The following CCDC3 variants were observed in gnomAD, a reference collection of about 807,000 sequenced individuals.
The protein encoded by CCDC3 is coiled-coil domain-containing protein 3.
CCDC3 carries 24 observed loss-of-function variants against 21.4 expected under a neutral mutation model. That is an observed-to-expected ratio of 1.12 (90% CI 0.81 to 1.58). The LOEUF (loss-of-function observed/expected upper bound fraction) is 1.58, where lower values mean the gene tolerates loss of function less well. Among genes scored for constraint, CCDC3 ranks in the 40% most tolerant of loss-of-function variants. CCDC3 has a pLI of 0.00. For missense variants in CCDC3, 425 were observed against 360.9 expected, an observed-to-expected ratio of 1.18 and a Z score of -1.44; for synonymous variants, 186 against 166.0, an observed-to-expected ratio of 1.12 and a Z score of -0.93.
chr10:12,914,442 T>A (rs1357156253), intron 2 of CCDC3, among the ~76,000 whole-genome samples: 1 of 152,070 alleles, frequency 6.6e-6, no homozygotes, highest in Non-Finnish European at 1.5e-5. Context: ...CATTTCTGAT[T>A]TTATCTTTTG....
At chr10:12,939,818 TAACAAC>T (rs562088916) in intron 2 of CCDC3, among the ~76,000 whole-genome samples, 1 of 152,156 alleles carries the variant, frequency 6.6e-6, no homozygotes, top group East Asian at 1.9e-4. Flanking sequence ...AGAGTCAGAG[TAACAAC>T]AACAACGACA....
intron 2 of CCDC3, among the ~76,000 whole-genome samples, chr10:12,922,317 C>G (rs1333256372): frequency 6.6e-6 from 1 of 151,920 alleles, no homozygotes; most frequent in Non-Finnish European, 1.5e-5. Context: ...GTGGGAGCTC[C>G]CATCTGTGCC....
intron 5 of CCDC3, among the ~76,000 whole-genome samples, chr10:13,031,365 T>C (rs1158086809): frequency 1.3e-5 from 2 of 152,150 alleles, no homozygotes; most frequent in South Asian, 2.1e-4. Context: ...GGGAAATTTA[T>C]TGCACTAAAT....
intron 2 of CCDC3, among the ~76,000 whole-genome samples, chr10:12,931,184 C>A (rs1490308961): frequency 2.3e-5 from 3 of 128,678 alleles, no homozygotes; most frequent in African/African-American, 9.2e-5. Context: ...GCACTCCAGC[C>A]TGGGCCACAG....
At chr10:12,971,437 G>A (rs2131264853) in intron 2 of CCDC3, among the ~76,000 whole-genome samples, 1 of 152,294 alleles carries the variant, frequency 6.6e-6, no homozygotes, top group East Asian at 1.9e-4. Flanking sequence ...CACCGCAGAT[G>A]GAGATGCAGA....
At chr10:12,996,211 AG>A (rs201777110) in intron 2 of CCDC3, among the ~76,000 whole-genome samples, 3,062 of 152,316 alleles carry the variant, frequency 0.02, 52 homozygotes, top group Middle Eastern at 0.051. Context: ...GAATAAAAAC[AG>A]GTGCTTAGAA....
intron 2 of CCDC3, among the ~76,000 whole-genome samples, chr10:12,953,597 G>C (rs1481194939): frequency 6.6e-6 from 1 of 152,174 alleles, no homozygotes; most frequent in African/African-American, 2.4e-5. Context: ...TTTAAACATG[G>C]GCAGAGTTTT....
chr10:13,019,465 G>T (rs1209250398), intron 5 of CCDC3, among the ~76,000 whole-genome samples: 1 of 151,868 alleles, frequency 6.6e-6, no homozygotes, highest in African/African-American at 2.4e-5. Context: ...TTTTTCACGT[G>T]CACACAGCAT....
At chr10:12,960,729 G>A (rs1173987860) in intron 2 of CCDC3, among the ~76,000 whole-genome samples, 1 of 152,192 alleles carries the variant, frequency 6.6e-6, no homozygotes, top group Admixed American at 6.5e-5. Context: ...TAGAGCCAAA[G>A]GTTGGGACAA....
intron 3 of CCDC3, among the ~76,000 whole-genome samples, chr10:13,090,617 T>C (rs911517090): frequency 1.3e-5 from 2 of 152,108 alleles, no homozygotes; most frequent in African/African-American, 4.8e-5. Context: ...TCAGAACTAA[T>C]CTCCTTCCCC....
At chr10:12,910,252 G>C (rs1318731868) in intron 2 of CCDC3, among the ~76,000 whole-genome samples, 1 of 152,180 alleles carries the variant, frequency 6.6e-6, no homozygotes, top group Non-Finnish European at 1.5e-5. Context: ...GCAAGACCTT[G>C]CTTCAAATGT....
intron 5 of CCDC3, among the ~76,000 whole-genome samples, chr10:13,047,948 G>T (rs1836550102): frequency 6.6e-6 from 1 of 152,172 alleles, no homozygotes; most frequent in Non-Finnish European, 1.5e-5. Flanking sequence ...GGGAAAGCAG[G>T]CTGGAGGGAA....
intron 2 of CCDC3, among the ~76,000 whole-genome samples, chr10:12,948,444 T>G (rs951309852): frequency 4.9e-4 from 72 of 148,042 alleles, no homozygotes; most frequent in African/African-American, 1.7e-3. Context: ...GAGTTTGATG[T>G]GGCTAAAGGC....
Position 12,946,433 on chromosome 10 carries a change from A to AT in CCDC3, c.550-47755dup, listed in dbSNP as rs57646156. ...ACTGAAAACTAACTAACTTAGGAGT[A>AT]TTTTTTTTTGGTAACAAATAGCCAG... On this transcript the variant is annotated intron_variant, in intron 2 of 2. Coordinates refer to ENST00000378825, the MANE Select transcript of CCDC3 (RefSeq NM_031455.4). 2.6e-3 allele frequency among the ~76,000 whole-genome samples: 394 copies of AT among 151,432 alleles called. 2 individuals carry two copies. The highest frequency in any genetic ancestry group is 0.026 in the South Asian group (122 of 4,776).
intron 5 of CCDC3, among the ~76,000 whole-genome samples, chr10:13,040,288 A>C (rs370970157): frequency 6.6e-6 from 1 of 152,204 alleles, no homozygotes; most frequent in Non-Finnish European, 1.5e-5. Context: ...GAAGAATTTA[A>C]TATTTGTGAC....
rs545950029 is a variant in CCDC3 at position 12,933,454 on chromosome 10, C to CTTTTTT, written c.550-34776_550-34775insAAAAAA. Among the ~76,000 whole-genome samples the CTTTTTT allele has an allele frequency of 2.2e-4, 25 of 115,896 alleles. 1 individual carries two copies. The highest frequency in any genetic ancestry group is 3.3e-4 in the East Asian group (1 of 3,002). The allele number at this position is 115,896 out of a possible 152,430, so 76.0% of individuals were successfully genotyped here. On this transcript the variant is annotated intron_variant, in intron 2 of 2. Coordinates refer to ENST00000378825, the MANE Select transcript of CCDC3 (RefSeq NM_031455.4). ...GGCATAGAGTTGTTGATAATATTCC[C>CTTTTTT]TTTATTTTTTTTTTTTTTGAGACAG...
intron 5 of CCDC3, among the ~76,000 whole-genome samples, chr10:13,030,725 A>G (rs1208449072): frequency 2.0e-5 from 3 of 152,246 alleles, no homozygotes; most frequent in Non-Finnish European, 4.4e-5. Context: ...CTTTAAACCA[A>G]CAAAGATCAA....
chr10:13,058,084 G>T, intron 4 of CCDC3: 1 of 763,850 alleles, frequency 1.3e-6, no homozygotes. Context: ...GGCCCCTGAT[G>T]TGCTTCTGGT....
chr10:12,988,289 T>C (rs1835628239), intron 2 of CCDC3, among the ~76,000 whole-genome samples: 2 of 152,184 alleles, frequency 1.3e-5, no homozygotes, highest in Admixed American at 6.5e-5. Context: ...GCTGGTTCTG[T>C]GTCCTTCAGA....
Sources: gnomAD v4.1 joint callset for allele counts (sites outside exome capture counted in the v4.1 genomes callset) on GRCh38, gnomAD v4.1.1 for gene constraint, MANE v1.5 for transcripts, NCBI Gene and HGNC (gene_info 2026-07-23, HGNC 2026-07-21) for gene names.